GRID2: variants seen among roughly 807,000 people sequenced by gnomAD.
GRID2 encodes the protein glutamate ionotropic receptor delta type subunit 2, also known as glutamate receptor ionotropic, delta-2.
Under a neutral mutation model 114.8 loss-of-function variants are expected in GRID2, and 33 were observed. The observed-to-expected ratio is 0.29, with a 90% CI of 0.22 to 0.38. The LOEUF (loss-of-function observed/expected upper bound fraction) is 0.38. Ranked by LOEUF, GRID2 falls within the 10% of genes least tolerant of loss-of-function variation. The pLI, the probability that GRID2 is intolerant of heterozygous loss-of-function variation, is 1.00. For missense variants in GRID2, 1,184 were observed against 1,257.7 expected (o/e 0.94, Z 0.89); for synonymous variants, 505 against 449.9 (o/e 1.12, Z -1.55).
chr4:92,397,653 G>A (rs13122471), intron 1 of GRID2, among the ~76,000 whole-genome samples: 13,846 of 152,084 alleles, frequency 0.091, 644 homozygotes, highest in Middle Eastern at 0.13. Context: ...AATACATGGG[G>A]TAATAATATC....
Position 93,769,255 on chromosome 4 carries a change from C to A in GRID2, c.2406C>A (p.His802Gln). Residue 802 changes from histidine (H) to glutamine (Q), a missense_variant, in exon 15 of 16, where the codon CAC becomes CAA. This residue lies in a region of GRID2 where 717 missense variants were observed against 796.9 expected (regional missense o/e 0.90). Transcript: ENST00000282020. ...ATGGTGACATGGACATCCTGAAGCA[C>A]AAATGGTGGCCTAAGAATGGCCAGT... ...QQNGDMDILK[H>Q]KWWPKNGQCD... 2 of 1,613,830 alleles carry A rather than the reference C, an allele frequency of 1.2e-6. No individual in the cohort carries two copies. Among genetic ancestry groups the A allele is most frequent in the South Asian group, 1.1e-5 (1 of 91,076 alleles).
chr4:93,611,746 A>G lies in GRID2; in HGVS notation c.2194-14523A>G, dbSNP rs1275625683. 5.2e-5 allele frequency among the ~76,000 whole-genome samples: 7 copies of G among 135,604 alleles called. No homozygotes were observed. In the East Asian group the frequency reaches 6.5e-4, roughly 13 times the overall value. 89.0% of individuals were successfully genotyped at this position (135,604 alleles called of 152,430 possible). Reference sequence around the variant, plus strand: ...AGCTTTACTTCCAAGTATGTGGTCAATTTTGGAATAGGTGTGGTGTGGTGC... The same window carrying G: ...AGCTTTACTTCCAAGTATGTGGTCAGTTTTGGAATAGGTGTGGTGTGGTGC... On this transcript the variant is annotated intron_variant, in intron 13 of 15. Transcript: ENST00000282020.
At chr4:93,576,378 T>C (rs1269485438) in intron 13 of GRID2, among the ~76,000 whole-genome samples, 4 of 152,150 alleles carry the variant, frequency 2.6e-5, no homozygotes, top group Non-Finnish European at 5.9e-5. Flanking sequence ...CAAAATCCGC[T>C]GACAAAATAG....
chr4:92,784,887 A>G (rs1739245189), intron 2 of GRID2, among the ~76,000 whole-genome samples: 1 of 151,866 alleles, frequency 6.6e-6, no homozygotes, highest in Non-Finnish European at 1.5e-5. Flanking sequence ...GAGCTGTGTC[A>G]TCTTTTCTTT....
At position 93,049,387 on chromosome 4, in the gene GRID2, A is replaced by G. The variant is rs138907782; in HGVS notation, c.245-35608A>G. Among the ~76,000 whole-genome samples the G allele has an allele frequency of 5.2e-3, 786 of 152,090 alleles. 10 individuals are homozygous for G. The highest frequency in any genetic ancestry group is 0.018 in the African/African-American group (741 of 41,540). On this transcript the variant is annotated intron_variant, in intron 2 of 15. Coordinates refer to ENST00000282020, the MANE Select transcript of GRID2 (RefSeq NM_001510.4). The stretch of plus-strand genomic sequence containing the variant: ...ATGTCCAAAATAATGAAACATTATA[A>G]TTTTTATGTATTCACTTTTGACTCT...
chr4:93,358,169 C>G (rs1396142181), intron 8 of GRID2, among the ~76,000 whole-genome samples: 1 of 151,684 alleles, frequency 6.6e-6, no homozygotes, highest in Non-Finnish European at 1.5e-5. Flanking sequence ...CCTGGGTATT[C>G]CAGATAGGCA....
intron 2 of GRID2, among the ~76,000 whole-genome samples, chr4:92,906,231 T>A (rs1402818353): frequency 1.3e-5 from 2 of 148,316 alleles, no homozygotes; most frequent in African/African-American, 2.5e-5. Context: ...ATTTTAGAAA[T>A]CTGTAGACCT....
At chr4:92,531,853 G>A (rs971260663) in intron 1 of GRID2, among the ~76,000 whole-genome samples, 37 of 151,934 alleles carry the variant, frequency 2.4e-4, no homozygotes, top group African/African-American at 8.0e-4. Context: ...AAATGTAATG[G>A]GAGATTAATG....
chr4:92,989,300 A>ATAAT (rs746860071), intron 2 of GRID2, among the ~76,000 whole-genome samples: 10 of 92,260 alleles, frequency 1.1e-4, no homozygotes, highest in South Asian at 3.7e-4. Context: ...AAAAAAAAAA[A>ATAAT]AATAATAATA....
intron 8 of GRID2, among the ~76,000 whole-genome samples, chr4:93,274,583 T>G (rs1451980511): frequency 6.6e-6 from 1 of 152,104 alleles, no homozygotes; most frequent in Admixed American, 6.6e-5. Context: ...AGGTACAATA[T>G]GAAAAATGCT....
At chr4:92,762,375 A>G (rs1471573183) in intron 2 of GRID2, among the ~76,000 whole-genome samples, 5 of 152,116 alleles carry the variant, frequency 3.3e-5, no homozygotes, top group Admixed American at 2.6e-4. Flanking sequence ...TGTAGAGTCA[A>G]ATGAATACTC....
chr4:92,742,363 C>T (rs1482968962), intron 2 of GRID2, among the ~76,000 whole-genome samples: 1 of 151,650 alleles, frequency 6.6e-6, no homozygotes. Context: ...TTCTTTTTCC[C>T]CCTTTTCCCT....
At chr4:93,492,508 C>T (rs1382627331) in intron 12 of GRID2, among the ~76,000 whole-genome samples, 1 of 151,762 alleles carries the variant, frequency 6.6e-6, no homozygotes, top group Non-Finnish European at 1.5e-5. Flanking sequence ...CAAGAAGAAA[C>T]TCGTCATAGC....
chr4:93,612,978 T>C (rs1218730657), intron 13 of GRID2, among the ~76,000 whole-genome samples: 5 of 146,620 alleles, frequency 3.4e-5, no homozygotes, highest in Admixed American at 1.4e-4. Flanking sequence ...TCTTTTCACA[T>C]ACTCCCATAT....
At chr4:93,712,372 A>C (rs1728559864) in intron 14 of GRID2, among the ~76,000 whole-genome samples, 1 of 152,152 alleles carries the variant, frequency 6.6e-6, no homozygotes, top group Non-Finnish European at 1.5e-5. Flanking sequence ...CTATCATCAT[A>C]GTTGTATTTT....
At chr4:92,822,104 G>A (rs555918731) in intron 2 of GRID2, 40 of 320,040 alleles carry the variant, frequency 1.2e-4, no homozygotes, top group Non-Finnish European at 2.2e-4. Flanking sequence ...TGCAGATTCC[G>A]ATAACTTCTT....
intron 8 of GRID2, among the ~76,000 whole-genome samples, chr4:93,301,532 A>G (rs1296043180): frequency 6.6e-6 from 1 of 152,188 alleles, no homozygotes; most frequent in East Asian, 1.9e-4. Flanking sequence ...TCTACACTAA[A>G]GAAAACAGAT....
At chr4:92,579,381 G>T (rs1356541265) in intron 1 of GRID2, among the ~76,000 whole-genome samples, 3 of 151,620 alleles carry the variant, frequency 2.0e-5, no homozygotes, top group Non-Finnish European at 4.4e-5. Flanking sequence ...TTCAAAAGAG[G>T]ATTACTACAT....
intron 1 of GRID2, among the ~76,000 whole-genome samples, chr4:92,483,139 A>G (rs569896065): frequency 4.0e-4 from 61 of 152,210 alleles, no homozygotes; most frequent in South Asian, 1.2e-3. Context: ...GGAGTTAGAA[A>G]CCAGCCTGGC....
Sources: gnomAD v4.1 joint callset for allele counts (sites outside exome capture counted in the v4.1 genomes callset) on GRCh38, gnomAD v4.1.1 for gene constraint, gnomAD v4.1.1 regional missense constraint, MANE v1.5 for transcripts, NCBI Gene and HGNC (gene_info 2026-07-23, HGNC 2026-07-21) for gene names.